The following GABRG3 variants were observed in gnomAD, a reference collection of about 807,000 sequenced individuals.
GABRG3 encodes gamma-aminobutyric acid receptor subunit gamma-3.
A neutral mutation model predicts 48.8 loss-of-function variants in GABRG3; 25 were observed. The ratio of observed to expected loss-of-function variants is 0.51; its 90% confidence interval spans 0.37 to 0.72. The LOEUF is 0.72. Among genes scored for constraint, GABRG3 ranks in the 30% least tolerant of loss-of-function variants. GABRG3 has a pLI of 0.00. For synonymous variants in GABRG3, 227 were observed against 217.6 expected (o/e 1.04, Z -0.38); for missense variants, 394 against 577.9 (o/e 0.68, Z 3.26).
intron 3 of GABRG3, among the ~76,000 whole-genome samples, chr15:27,200,585 T>G (rs1240088422): frequency 1.3e-5 from 2 of 152,160 alleles, no homozygotes; most frequent in African/African-American, 2.4e-5. Context: ...ACAGGCAAAG[T>G]GACCCTTTTC....
chr15:27,513,546 A>G (rs1041105675), intron 6 of GABRG3, among the ~76,000 whole-genome samples: 1 of 152,240 alleles, frequency 6.6e-6, no homozygotes, highest in Non-Finnish European at 1.5e-5. Flanking sequence ...GAACAGGTTT[A>G]GTAATACCGA....
intron 5 of GABRG3, among the ~76,000 whole-genome samples, chr15:27,454,364 G>A (rs1889198709): frequency 6.6e-6 from 1 of 152,180 alleles, no homozygotes; most frequent in Non-Finnish European, 1.5e-5. Context: ...GCATTTACAA[G>A]GCTGTCCTGG....
At chr15:27,516,756 T>C (rs929348289) in intron 6 of GABRG3, among the ~76,000 whole-genome samples, 2 of 152,176 alleles carry the variant, frequency 1.3e-5, no homozygotes, top group Non-Finnish European at 2.9e-5. Flanking sequence ...AATGAATAAG[T>C]AAGTAAATAG....
At chr15:27,274,166 C>A (rs576968885) in intron 3 of GABRG3, among the ~76,000 whole-genome samples, 19 of 152,276 alleles carry the variant, frequency 1.2e-4, no homozygotes, top group African/African-American at 4.1e-4. Context: ...GGATCAAGGA[C>A]AGAGTAGTGA....
chr15:27,308,826 CAT>C (rs1307420645), intron 3 of GABRG3, among the ~76,000 whole-genome samples: 2 of 149,682 alleles, frequency 1.3e-5, no homozygotes, highest in South Asian at 2.2e-4. Flanking sequence ...ATAGTGTAAA[CAT>C]ACGTTTATAT....
chr15:27,290,124 G>A lies in GABRG3; in HGVS notation c.271-36685G>A, dbSNP rs75439613. On this transcript the variant is annotated intron_variant, in intron 3 of 9. Coordinates refer to ENST00000615808, the MANE Select transcript of GABRG3 (RefSeq NM_033223.5). ...GAAAATGCACTGATGGAGGTATGTC[G>A]GAGCCAGCTGAGAGACCTCCCTTCA... Among the ~76,000 whole-genome samples the A allele has an allele frequency of 1.2e-3, 184 of 152,136 alleles. 1 individual carries two copies. Among genetic ancestry groups the A allele is most frequent in the African/African-American group, 2.5e-3 (103 of 41,498 alleles).
chr15:27,081,957 C>G (rs886170756), intron 3 of GABRG3, among the ~76,000 whole-genome samples: 1 of 152,196 alleles, frequency 6.6e-6, no homozygotes, highest in African/African-American at 2.4e-5. Context: ...TGAGAGTTCT[C>G]TTGGGGACCC....
chr15:26,972,890 C>T (rs534124056), intron 1 of GABRG3, among the ~76,000 whole-genome samples: 1 of 152,316 alleles, frequency 6.6e-6, no homozygotes, highest in South Asian at 2.1e-4. Context: ...ACAGGCAACT[C>T]TTTCAAAGAG....
At chr15:27,322,598 T>C (rs1411073825) in intron 3 of GABRG3, among the ~76,000 whole-genome samples, 1 of 152,174 alleles carries the variant, frequency 6.6e-6, no homozygotes, top group African/African-American at 2.4e-5. Flanking sequence ...TGTAAACTTT[T>C]AGAGTCAGAA....
At position 27,534,545 on chromosome 15, in the gene GABRG3, T is replaced by C. The variant is rs985129296; in HGVS notation, c.*1664T>C. 7 of 152,194 alleles carry C rather than the reference T, an allele frequency of 4.6e-5. No individual in the cohort carries two copies. Among genetic ancestry groups the C allele is most frequent in the African/African-American group, 1.4e-4 (6 of 41,448 alleles). 9.4% of individuals were successfully genotyped at this position (152,194 alleles called of 1,614,324 possible). On this transcript the variant is annotated 3_prime_UTR_variant, in exon 10 of 10. Coordinates refer to ENST00000615808, the MANE Select transcript of GABRG3 (RefSeq NM_033223.5). ...CTCTGTGCTTCTCATCTTTCTCACA[T>C]AGAAAACTGAATTAATTTGACCTAG... is the stretch of plus-strand genomic sequence containing the variant.
At chr15:27,485,321 G>A (rs1168465904) in intron 6 of GABRG3, among the ~76,000 whole-genome samples, 4 of 152,052 alleles carry the variant, frequency 2.6e-5, no homozygotes, top group Non-Finnish European at 5.9e-5. Flanking sequence ...AAAGGCAAAT[G>A]GACTCTATAC....
At chr15:27,425,483 C>T (rs1036017326) in intron 5 of GABRG3, among the ~76,000 whole-genome samples, 5 of 148,270 alleles carry the variant, frequency 3.4e-5, no homozygotes, top group African/African-American at 7.5e-5. Flanking sequence ...TGGTGGTGGG[C>T]GCCTGTAGTC....
chr15:27,403,773 G>A lies in GABRG3; in HGVS notation c.574+74885G>A, dbSNP rs1337168449. Reference sequence around the variant, plus strand: ...ACTAAAAATAAAAAATTAGCTGGGCGTGGTAGTGCGCGCCTGTAATCCCAG... The same window carrying A: ...ACTAAAAATAAAAAATTAGCTGGGCATGGTAGTGCGCGCCTGTAATCCCAG... On this transcript the variant is annotated intron_variant, in intron 5 of 9. Coordinates refer to ENST00000615808, the MANE Select transcript of GABRG3 (RefSeq NM_033223.5). 2.6e-5 allele frequency among the ~76,000 whole-genome samples: 4 copies of A among 151,242 alleles called. No individual in the cohort carries two copies. The South Asian group carries it at 6.3e-4, about 24-fold the overall frequency.
intron 3 of GABRG3, among the ~76,000 whole-genome samples, chr15:27,063,128 G>T (rs145133063): frequency 1.3e-5 from 2 of 152,200 alleles, no homozygotes; most frequent in African/African-American, 4.8e-5. Flanking sequence ...GCCTAAGCCC[G>T]ACTAAACTGT....
chr15:27,091,280 A>G (rs1041291032), intron 3 of GABRG3, among the ~76,000 whole-genome samples: 1 of 152,152 alleles, frequency 6.6e-6, no homozygotes, highest in Non-Finnish European at 1.5e-5. Context: ...GATGTATTGC[A>G]TTAACTTTTT....
intron 5 of GABRG3, among the ~76,000 whole-genome samples, chr15:27,449,761 C>T (rs908457745): frequency 4.6e-5 from 7 of 152,194 alleles, no homozygotes; most frequent in Non-Finnish European, 8.8e-5. Context: ...AATATTAAAA[C>T]ACCTACACGC....
chr15:27,506,875 AT>A (rs112403537), intron 6 of GABRG3, among the ~76,000 whole-genome samples: 3,982 of 149,668 alleles, frequency 0.027, 170 homozygotes, highest in African/African-American at 0.093. Context: ...TAAAGTGACT[AT>A]TTTTTTTCTA....
At chr15:26,999,779 G>T (rs1335497043) in intron 2 of GABRG3, among the ~76,000 whole-genome samples, 2 of 151,990 alleles carry the variant, frequency 1.3e-5, no homozygotes, top group African/African-American at 4.8e-5. Context: ...TTGATCTACA[G>T]CTTGTTGATG....
At chr15:27,370,247 T>C (rs956251718) in intron 5 of GABRG3, among the ~76,000 whole-genome samples, 1 of 152,166 alleles carries the variant, frequency 6.6e-6, no homozygotes, top group African/African-American at 2.4e-5. Context: ...TTGACAACCA[T>C]GAGGTTTGAG....
Sources: gnomAD v4.1 joint callset for allele counts (sites outside exome capture counted in the v4.1 genomes callset) on GRCh38, gnomAD v4.1.1 for gene constraint, MANE v1.5 for transcripts, NCBI Gene and HGNC (gene_info 2026-07-23, HGNC 2026-07-21) for gene names.